Variants in SCAPER observed in about 807,000 individuals in gnomAD.
SCAPER encodes S-phase cyclin A associated protein in the ER, also known as S phase cyclin A-associated protein in the endoplasmic reticulum.
A neutral mutation model predicts 182.2 loss-of-function variants in SCAPER; 98 were observed. The ratio of observed to expected loss-of-function variants is 0.54; its 90% CI spans 0.46 to 0.64. The LOEUF (loss-of-function observed/expected upper bound fraction) is 0.64. Among genes scored for constraint, SCAPER ranks in the 30% least tolerant of loss-of-function variants. The probability of loss-of-function intolerance (pLI) is 0.00; values close to 1 mark genes in which losing one functional copy is unlikely to be tolerated. For missense variants in SCAPER, 1,432 were observed against 1,690.0 expected (o/e 0.85, Z 2.68); for synonymous variants, 605 against 564.6 (o/e 1.07, Z -1.01).
chr15:76,649,140 A>G (rs904393521), intron 21 of SCAPER, among the ~76,000 whole-genome samples: 7 of 152,152 alleles, frequency 4.6e-5, no homozygotes, highest in African/African-American at 1.7e-4. Flanking sequence ...TCTTTTGTCT[A>G]TTAAACCTCT....
intron 22 of SCAPER, among the ~76,000 whole-genome samples, chr15:76,611,072 C>T (rs1334092701): frequency 6.6e-6 from 1 of 151,912 alleles, no homozygotes; most frequent in African/African-American, 2.4e-5. Flanking sequence ...GACCTATAGA[C>T]CAATAGAATA....
At chr15:76,470,369 G>C (rs1424243004) in intron 25 of SCAPER, among the ~76,000 whole-genome samples, 2 of 152,162 alleles carry the variant, frequency 1.3e-5, no homozygotes, top group African/African-American at 2.4e-5. Flanking sequence ...TCTGGGGAAA[G>C]AGTCAGGCTG....
intron 26 of SCAPER, among the ~76,000 whole-genome samples, chr15:76,413,522 A>T (rs927481160): frequency 2.0e-5 from 3 of 152,224 alleles, no homozygotes; most frequent in African/African-American, 7.2e-5. Flanking sequence ...GAGCAGATGA[A>T]CTAACAGCTT....
chr15:76,895,964 C>T (rs1303971771), intron 1 of SCAPER, among the ~76,000 whole-genome samples: 2 of 151,134 alleles, frequency 1.3e-5, no homozygotes, highest in East Asian at 1.9e-4. Context: ...GGTGTGAACC[C>T]GGGAGGCAGA....
At chr15:76,679,218 T>C (rs2057543973) in intron 20 of SCAPER, among the ~76,000 whole-genome samples, 1 of 152,172 alleles carries the variant, frequency 6.6e-6, no homozygotes, top group African/African-American at 2.4e-5. Context: ...ACTGTGAAAT[T>C]TGTCAGAGGT....
chr15:76,496,336 T>A (rs894823673), intron 24 of SCAPER, among the ~76,000 whole-genome samples: 16 of 152,148 alleles, frequency 1.1e-4, no homozygotes, highest in Admixed American at 7.9e-4. Context: ...AAGACAATGC[T>A]CTTGGGTTTC....
intron 24 of SCAPER, 120 bp downstream of exon 24, chr15:76,504,739 G>T: frequency 1.4e-6 from 1 of 732,602 alleles, no homozygotes; most frequent in Non-Finnish European, 2.1e-6. Flanking sequence ...GGGAGTGTAA[G>T]ATTTTGGTAT....
intron 15 of SCAPER, among the ~76,000 whole-genome samples, chr15:76,746,158 A>C (rs900058412): frequency 6.6e-6 from 1 of 152,244 alleles, no homozygotes; most frequent in Non-Finnish European, 1.5e-5. Context: ...CCTTCATAAT[A>C]AAAATACTCA....
chr15:76,440,878 T>C (rs189426907), intron 25 of SCAPER, among the ~76,000 whole-genome samples: 64 of 150,088 alleles, frequency 4.3e-4, no homozygotes, highest in African/African-American at 1.4e-3. Flanking sequence ...AGTTCCTCAC[T>C]ATTATCTTTT....
chr15:76,470,620 G>A (rs1386767406), intron 25 of SCAPER, among the ~76,000 whole-genome samples: 2 of 152,152 alleles, frequency 1.3e-5, no homozygotes, highest in Non-Finnish European at 2.9e-5. Context: ...CCTGGCGACT[G>A]CAGTTGACAT....
chr15:76,511,167 G>T (rs1376036346), intron 23 of SCAPER, among the ~76,000 whole-genome samples: 1 of 152,126 alleles, frequency 6.6e-6, no homozygotes, highest in African/African-American at 2.4e-5. Context: ...CTGCTGGGGA[G>T]ATGGGTGCAC....
At chr15:76,503,541 TA>T (rs1358842382) in intron 24 of SCAPER, among the ~76,000 whole-genome samples, 1 of 152,246 alleles carries the variant, frequency 6.6e-6, no homozygotes, top group African/African-American at 2.4e-5. Context: ...TTAACATTTA[TA>T]ATGTAACTTT....
At chr15:76,473,586 C>T (rs1017124354) in intron 24 of SCAPER, among the ~76,000 whole-genome samples, 4 of 152,092 alleles carry the variant, frequency 2.6e-5, no homozygotes, top group African/African-American at 7.2e-5. Flanking sequence ...TAGGACAGTT[C>T]TTAAACATGT....
At chr15:76,412,087 G>T (rs1361842840) in intron 26 of SCAPER, among the ~76,000 whole-genome samples, 3 of 152,064 alleles carry the variant, frequency 2.0e-5, no homozygotes, top group Admixed American at 2.0e-4. Context: ...ATAACAAGAG[G>T]TTACTTTTCT....
At chr15:76,697,645 A>G (rs1238110689) in intron 20 of SCAPER, among the ~76,000 whole-genome samples, 1 of 152,122 alleles carries the variant, frequency 6.6e-6, no homozygotes, top group Non-Finnish European at 1.5e-5. Context: ...TTAATTACAA[A>G]TAATTTTTTT....
chr15:76,815,680 A>G (rs1409593607), intron 5 of SCAPER, among the ~76,000 whole-genome samples: 2 of 152,222 alleles, frequency 1.3e-5, no homozygotes, highest in South Asian at 2.1e-4. Context: ...CAGGAGCAGC[A>G]TTAGATTCTC....
chr15:76,824,528 G>GA (rs374739911), intron 5 of SCAPER, among the ~76,000 whole-genome samples: 211 of 151,740 alleles, frequency 1.4e-3, no homozygotes, highest in Non-Finnish European at 4.3e-4. Context: ...GAACCTTTAT[G>GA]AAAAAAAATG....
intron 21 of SCAPER, among the ~76,000 whole-genome samples, chr15:76,661,660 T>G (rs2056179680): frequency 6.6e-6 from 1 of 152,120 alleles, no homozygotes; most frequent in South Asian, 2.1e-4. Flanking sequence ...AGAATAGCGA[T>G]TACTAATAAG....
intron 26 of SCAPER, among the ~76,000 whole-genome samples, chr15:76,427,735 C>G (rs1265484989): frequency 1.3e-5 from 2 of 151,994 alleles, no homozygotes; most frequent in Admixed American, 1.3e-4. Flanking sequence ...GAGTTCTAGA[C>G]CAGCCTGGCC....
Sources: gnomAD v4.1 joint callset for allele counts (sites outside exome capture counted in the v4.1 genomes callset) on GRCh38, gnomAD v4.1.1 for gene constraint, MANE v1.5 for transcripts, NCBI Gene and HGNC (gene_info 2026-07-23, HGNC 2026-07-21) for gene names.